Variants in DIS3L2 observed in about 807,000 individuals in gnomAD.
DIS3L2 encodes DIS3-like exonuclease 2.
DIS3L2 carries 34 observed loss-of-function variants against 97.5 expected under a neutral mutation model. The ratio of observed to expected loss-of-function variants is 0.35; its 90% CI spans 0.27 to 0.46. The LOEUF is 0.46. DIS3L2 is among the 20% of genes least tolerant of loss of function. The pLI, the probability that DIS3L2 is intolerant of heterozygous loss-of-function variation, is 1.00. For synonymous variants in DIS3L2, 435 were observed against 445.2 expected (o/e 0.98, Z 0.29); for missense variants, 1,038 against 1,146.0 (o/e 0.91, Z 1.36).
intron 5 of DIS3L2, among the ~76,000 whole-genome samples, chr2:232,077,955 CTCTTTCTTTCTTTCTTTCTTTCTTTCTT>C (rs538146324): frequency 1.2e-3 from 129 of 108,808 alleles, no homozygotes; most frequent in Admixed American, 3.3e-3. Flanking sequence ...TTCTTTCTTT[CTCTTTCTTTCTTTCTTTCTTTCTTTCTT>C]TCTTTCTTTC....
Position 232,142,017 on chromosome 2 carries a change from A to G in DIS3L2, c.950+5298A>G, listed in dbSNP as rs1690061765. 2.0e-5 allele frequency among the ~76,000 whole-genome samples: 3 copies of G among 152,208 alleles called. No individual in the cohort carries two copies. The South Asian group carries it at 6.2e-4, about 32-fold the overall frequency. On this transcript the variant is annotated intron_variant, in intron 8 of 20. Coordinates refer to ENST00000325385, the MANE Select transcript of DIS3L2 (RefSeq NM_152383.5). ...TAGGCTCCAAGATTAGCAAACTGAA[A>G]AATAACTGTATCCAATCTTTCCCTT...
In DIS3L2 at chr2:232,148,742, TTC is replaced by T. The variant is rs1243983319; in HGVS notation, c.950+12025_950+12026del. Among the ~76,000 whole-genome samples the T allele has an allele frequency of 2.2e-4, 27 of 120,810 alleles. No homozygotes were observed. In the East Asian group the frequency reaches 6.1e-3, roughly 27 times the overall value. The allele number at this position is 120,810 out of a possible 152,430, so 79.3% of individuals were successfully genotyped here. A position where few individuals can be genotyped will look rare whatever the true frequency, so the allele number is the denominator to read the frequency against. On this transcript the variant is annotated intron_variant, in intron 8 of 20. Transcript: ENST00000325385. ...TGAAAAATTTTTTTTCTCCTTAATT[TTC>T]TTTCTTTTTTTTTTTTTTTTTTTTT...
At chr2:232,135,021 C>T (rs903529243) in intron 7 of DIS3L2, among the ~76,000 whole-genome samples, 3 of 152,080 alleles carry the variant, frequency 2.0e-5, no homozygotes, top group Admixed American at 6.6e-5. Context: ...CACTGGAGAA[C>T]AAGCGAGCTG....
At position 232,001,557 on chromosome 2, in the gene DIS3L2, C is replaced by CTTTT. The variant is rs57766848; in HGVS notation, c.-93-13258_-93-13255dup. Among the ~76,000 whole-genome samples the CTTTT allele has an allele frequency of 9.6e-3, 592 of 61,844 alleles. 3 individuals carry two copies. Among genetic ancestry groups the CTTTT allele is most frequent in the Non-Finnish European group, 0.013 (457 of 35,164 alleles). The allele number at this position is 61,844 out of a possible 152,430, so 40.6% of individuals were successfully genotyped here. A position where few individuals can be genotyped will look rare whatever the true frequency, so the allele number is the denominator to read the frequency against. ...CTTAGCTTAGTGGAATGCCATTTGT[C>CTTTT]TTTTTTTTTTTTTTTTTTTTTTTGC... On this transcript the variant is annotated intron_variant, in intron 1 of 20. Coordinates refer to ENST00000325385, the MANE Select transcript of DIS3L2 (RefSeq NM_152383.5).
At chr2:232,129,473 A>G (rs1300660605) in intron 6 of DIS3L2, among the ~76,000 whole-genome samples, 2 of 152,196 alleles carry the variant, frequency 1.3e-5, no homozygotes, top group Non-Finnish European at 2.9e-5. Context: ...GTCCTCTTTC[A>G]CTGATAGAGA....
intron 1 of DIS3L2, among the ~76,000 whole-genome samples, chr2:231,989,467 C>T (rs1693522934): frequency 2.6e-5 from 4 of 151,572 alleles, no homozygotes; most frequent in Admixed American, 2.0e-4. Flanking sequence ...TAGTTTCTTA[C>T]ATTTTTTCTA....
chr2:232,322,277 C>G (rs1270311022), intron 14 of DIS3L2, among the ~76,000 whole-genome samples: 1 of 152,228 alleles, frequency 6.6e-6, no homozygotes, highest in Non-Finnish European at 1.5e-5. Flanking sequence ...TGGGCAAGCC[C>G]TTCGAGCTCA....
At chr2:232,134,067 T>C (rs1339011801) in intron 7 of DIS3L2, among the ~76,000 whole-genome samples, 1 of 150,700 alleles carries the variant, frequency 6.6e-6, no homozygotes. Flanking sequence ...AAAAACACTA[T>C]TGGATAGGCT....
In DIS3L2 at chr2:232,336,869, T is replaced by C. The variant is rs1300210414; in HGVS notation, c.*239T>C. 3 of 1,343,310 alleles carry C rather than the reference T, an allele frequency of 2.2e-6. No homozygotes were observed. In the African/African-American group the frequency reaches 4.4e-5, roughly 20 times the overall value. The allele number at this position is 1,343,310 out of a possible 1,614,324, so 83.2% of individuals were successfully genotyped here. On this transcript the variant is annotated 3_prime_UTR_variant, in exon 21 of 21. Coordinates refer to ENST00000325385, the MANE Select transcript of DIS3L2 (RefSeq NM_152383.5). ...CCAGCAGAGCAGGCCCCAGTCCTCC[T>C]GGGAGGCTGGCCCCCCTTTTTTCTG...
At position 232,231,295 on chromosome 2, in the gene DIS3L2, T is replaced by G. The variant is rs116009659; in HGVS notation, c.1205-7238T>G. The stretch of plus-strand genomic sequence containing the variant: ...GAATGAAGATGGTTATTAGGAAGAT[T>G]ATGAGGTAATTGAAAGCTAAACCAT... On this transcript the variant is annotated intron_variant, in intron 10 of 20. Transcript: ENST00000325385. 4.0e-3 allele frequency among the ~76,000 whole-genome samples: 613 copies of G among 152,232 alleles called. 5 individuals carry two copies. The highest frequency in any genetic ancestry group is 0.014 in the African/African-American group (577 of 41,524).
intron 19 of DIS3L2, chr2:232,335,565 A>C: frequency 3.6e-6 from 2 of 561,216 alleles, no homozygotes; most frequent in East Asian, 3.2e-5. Flanking sequence ...GGGCCTTCCC[A>C]GCCCCCACCC....
chr2:232,109,489 ACAGTGATT>A (rs1697460787), intron 6 of DIS3L2, among the ~76,000 whole-genome samples: 1 of 152,138 alleles, frequency 6.6e-6, no homozygotes, highest in African/African-American at 2.4e-5. Context: ...AAACTGTACT[ACAGTGATT>A]CAGTAACCAA....
At chr2:232,172,028 T>C (rs1290743580) in intron 9 of DIS3L2, among the ~76,000 whole-genome samples, 1 of 152,218 alleles carries the variant, frequency 6.6e-6, no homozygotes, top group Non-Finnish European at 1.5e-5. Flanking sequence ...AAATAAAATC[T>C]GTTTGGAAAT....
downstream of DIS3L2, among the ~76,000 whole-genome samples, chr2:232,341,934 AC>A (rs758753888): frequency 6.6e-5 from 10 of 152,236 alleles, no homozygotes; most frequent in Middle Eastern, 3.4e-3. Context: ...CAGACCCCCA[AC>A]CTGCAAGCCA....
intron 14 of DIS3L2, among the ~76,000 whole-genome samples, chr2:232,316,993 T>TC (rs1238649189): frequency 6.6e-6 from 1 of 152,216 alleles, no homozygotes; most frequent in Non-Finnish European, 1.5e-5. Context: ...GCTGTTAGTG[T>TC]CATCGAGCTT....
At chr2:232,223,985 A>G (rs1692574557) in intron 10 of DIS3L2, among the ~76,000 whole-genome samples, 1 of 152,148 alleles carries the variant, frequency 6.6e-6, no homozygotes, top group Non-Finnish European at 1.5e-5. Flanking sequence ...TTACTCAAGA[A>G]GCTGAGAGGT....
intron 8 of DIS3L2, among the ~76,000 whole-genome samples, chr2:232,162,435 G>T (rs2106376261): frequency 6.6e-6 from 1 of 152,348 alleles, no homozygotes; most frequent in Non-Finnish European, 1.5e-5. Flanking sequence ...TTAAAAGTCT[G>T]CTTATGAGGC....
chr2:232,086,504 T>C (rs1408092242), intron 5 of DIS3L2, among the ~76,000 whole-genome samples: 1 of 147,356 alleles, frequency 6.8e-6, no homozygotes, highest in African/African-American at 2.5e-5. Context: ...ATTTTCTCCA[T>C]GGTTGATGGG....
chr2:232,308,213 A>G (rs6760896), intron 14 of DIS3L2, among the ~76,000 whole-genome samples: 53,588 of 152,078 alleles, frequency 0.35, 14,202 homozygotes, highest in African/African-American at 0.73. Context: ...GTTGCCCTGA[A>G]TACCTGCCTG....
Sources: allele counts gnomAD v4.1 joint callset (sites outside exome capture counted in the v4.1 genomes callset), GRCh38; gene constraint gnomAD v4.1.1; transcripts MANE v1.5; gene names NCBI Gene and HGNC (gene_info 2026-07-23, HGNC 2026-07-21).